Variants in CNTN5 observed in about 807,000 individuals in gnomAD.
The protein encoded by CNTN5 is contactin-5.
In CNTN5, 77 loss-of-function variants were observed where a neutral mutation model predicts 129.1. That is an observed-to-expected ratio of 0.60 (90% confidence interval 0.50 to 0.72). The LOEUF is 0.72. Ranked by LOEUF, CNTN5 falls within the 30% of genes least tolerant of loss-of-function variation. CNTN5 has a pLI of 0.00. For synonymous variants in CNTN5, 509 were observed against 465.6 expected (o/e 1.09, Z -1.20); for missense variants, 1,478 against 1,328.8 (o/e 1.11, Z -1.75).
chr11:99,827,320 C>T (rs539719317), intron 4 of CNTN5, among the ~76,000 whole-genome samples: 3 of 152,136 alleles, frequency 2.0e-5, no homozygotes, highest in African/African-American at 7.2e-5. Context: ...AGCTCCTGAG[C>T]TCAGGCGATC....
intron 13 of CNTN5, among the ~76,000 whole-genome samples, chr11:100,182,504 G>C (rs1948167870): frequency 6.6e-6 from 1 of 151,974 alleles, no homozygotes; most frequent in Admixed American, 6.6e-5. Context: ...GGCAATTAGA[G>C]GCTTATCATA....
At chr11:100,036,417 G>C in intron 9 of CNTN5, among the ~76,000 whole-genome samples, 1 of 151,954 alleles carries the variant, frequency 6.6e-6, no homozygotes, top group African/African-American at 2.4e-5. Flanking sequence ...CTCCAGCTTT[G>C]TTCTTTTGGC....
chr11:99,748,736 A>C (rs1944139555), intron 3 of CNTN5, among the ~76,000 whole-genome samples: 1 of 152,164 alleles, frequency 6.6e-6, no homozygotes, highest in African/African-American at 2.4e-5. Flanking sequence ...GCTCCAGAAG[A>C]AAGACTGAGT....
chr11:99,786,241 A>G (rs964113226), intron 3 of CNTN5, among the ~76,000 whole-genome samples: 7 of 152,146 alleles, frequency 4.6e-5, no homozygotes, highest in African/African-American at 1.7e-4. Context: ...ATCATTAGTG[A>G]ACTCCCATTC....
At chr11:99,060,734 T>G (rs372014731) in intron 1 of CNTN5, among the ~76,000 whole-genome samples, 1 of 152,216 alleles carries the variant, frequency 6.6e-6, no homozygotes, top group East Asian at 1.9e-4. Flanking sequence ...GTTAAAAGCA[T>G]GTAACCAAAA....
At chr11:99,893,631 G>A (rs1211379184) in intron 6 of CNTN5, among the ~76,000 whole-genome samples, 1 of 151,794 alleles carries the variant, frequency 6.6e-6, no homozygotes, top group Non-Finnish European at 1.5e-5. Context: ...TGAGTTGTGG[G>A]CAAAGAAAAA....
chr11:99,750,005 A>T (rs1187379581), intron 3 of CNTN5, among the ~76,000 whole-genome samples: 1 of 152,228 alleles, frequency 6.6e-6, no homozygotes, highest in African/African-American at 2.4e-5. Context: ...ATTCATGTAT[A>T]AGTTAAAACC....
At chr11:100,201,312 C>T (rs1948772372) in intron 15 of CNTN5, among the ~76,000 whole-genome samples, 1 of 151,704 alleles carries the variant, frequency 6.6e-6, no homozygotes, top group South Asian at 2.1e-4. Context: ...ACCATTTTCC[C>T]TTTCCAATCT....
intron 6 of CNTN5, among the ~76,000 whole-genome samples, chr11:99,881,767 T>C (rs1948778533): frequency 6.6e-6 from 1 of 152,230 alleles, no homozygotes; most frequent in Non-Finnish European, 1.5e-5. Flanking sequence ...TACTATGATT[T>C]GTAGCAAAGC....
At chr11:100,327,965 AG>A (rs1411916291) in intron 21 of CNTN5, among the ~76,000 whole-genome samples, 1 of 152,162 alleles carries the variant, frequency 6.6e-6, no homozygotes, top group Non-Finnish European at 1.5e-5. Flanking sequence ...TACTAAATGC[AG>A]GGAGTACAAC....
intron 1 of CNTN5, among the ~76,000 whole-genome samples, chr11:99,152,985 C>G (rs992049286): frequency 6.6e-6 from 1 of 152,176 alleles, no homozygotes; most frequent in South Asian, 2.1e-4. Context: ...TCTCTTCTGG[C>G]TAGTAGTGTT....
At chr11:99,813,522 A>G (rs976813661) in intron 3 of CNTN5, among the ~76,000 whole-genome samples, 2 of 152,154 alleles carry the variant, frequency 1.3e-5, no homozygotes, top group Non-Finnish European at 2.9e-5. Flanking sequence ...TACTAAAAGT[A>G]GGAGTTTAAA....
chr11:99,139,093 C>A lies in CNTN5; in HGVS notation c.-210+117823C>A, dbSNP rs1042046100. Among the ~76,000 whole-genome samples the A allele has an allele frequency of 1.5e-3, 22 of 14,572 alleles. 1 individual carries two copies. Among genetic ancestry groups the A allele is most frequent in the African/African-American group, 8.9e-3 (22 of 2,460 alleles). 9.6% of individuals were successfully genotyped at this position (14,572 alleles called of 152,430 possible). On this transcript the variant is annotated intron_variant, in intron 1 of 24. Coordinates refer to ENST00000524871, the MANE Select transcript of CNTN5 (RefSeq NM_014361.4). ...AGATGGGCGAAACTCCATCTCTACC[C>A]CCTCCCCACCCCCCCCCCCCAAAAA...
At chr11:100,017,530 C>CTCTTACT (rs1467065473) in intron 9 of CNTN5, among the ~76,000 whole-genome samples, 2 of 151,904 alleles carry the variant, frequency 1.3e-5, no homozygotes, top group Non-Finnish European at 2.9e-5. Context: ...GTAAGATAGA[C>CTCTTACT]TAAAATTGGC....
intron 2 of CNTN5, among the ~76,000 whole-genome samples, chr11:99,336,047 A>T (rs1866208658): frequency 6.6e-6 from 1 of 152,086 alleles, no homozygotes; most frequent in Non-Finnish European, 1.5e-5. Context: ...TAAAAAAAAA[A>T]ACTTTTTGTT....
At chr11:99,482,896 C>T (rs1389142953) in intron 2 of CNTN5, among the ~76,000 whole-genome samples, 2 of 152,010 alleles carry the variant, frequency 1.3e-5, no homozygotes, top group Admixed American at 1.3e-4. Context: ...GTATGCTAAA[C>T]GACTCCTATC....
intron 2 of CNTN5, among the ~76,000 whole-genome samples, chr11:99,509,147 C>G (rs958004911): frequency 2.6e-5 from 4 of 152,078 alleles, no homozygotes; most frequent in African/African-American, 7.2e-5. Flanking sequence ...TTGTACTATA[C>G]CTATGAAAGG....
chr11:99,292,158 G>T (rs1032049519), intron 1 of CNTN5, among the ~76,000 whole-genome samples: 2 of 151,214 alleles, frequency 1.3e-5, no homozygotes, highest in Admixed American at 6.6e-5. Context: ...AAAAATAAAA[G>T]AATAATGTAT....
At chr11:99,503,338 C>T (rs994506387) in intron 2 of CNTN5, among the ~76,000 whole-genome samples, 2 of 152,158 alleles carry the variant, frequency 1.3e-5, no homozygotes, top group African/African-American at 4.8e-5. Flanking sequence ...TGCTACACAA[C>T]TATGAATAAA....
Sources: gnomAD v4.1 joint callset for allele counts (sites outside exome capture counted in the v4.1 genomes callset) on GRCh38, gnomAD v4.1.1 for gene constraint, MANE v1.5 for transcripts, NCBI Gene and HGNC (gene_info 2026-07-23, HGNC 2026-07-21) for gene names.